SLC10A7: variants seen among roughly 807,000 people sequenced by gnomAD.
The protein encoded by SLC10A7 is sodium/bile acid cotransporter 7.
A neutral mutation model predicts 43.2 loss-of-function variants in SLC10A7; 29 were observed. The observed-to-expected ratio is 0.67, with a 90% CI of 0.50 to 0.92. SLC10A7 has a LOEUF of 0.92. SLC10A7 is among the 40% of genes least tolerant of loss of function. SLC10A7 has a pLI of 0.00. For synonymous variants in SLC10A7, 152 were observed against 144.8 expected, an observed-to-expected ratio of 1.05 and a Z score of -0.35; for missense variants, 295 against 403.2, an observed-to-expected ratio of 0.73 and a Z score of 2.30.
Position 146,256,350 on chromosome 4 carries a change from G to A in SLC10A7, c.*141C>T. The A allele has an allele frequency of 2.7e-6, 2 of 734,788 alleles. No homozygotes were observed. The highest frequency in any genetic ancestry group is 3.6e-5 in the South Asian group (2 of 55,500). The allele number at this position is 734,788 out of a possible 1,614,324, so 45.5% of individuals were successfully genotyped here. A position where few individuals can be genotyped will look rare whatever the true frequency, so the allele number is the denominator to read the frequency against. ...ACGCTCTTGTCAAATACATTTTAAGGCACTTAAACAGGATCTCATATTTTT... is the reference window on the plus strand; with the variant it reads ...ACGCTCTTGTCAAATACATTTTAAGACACTTAAACAGGATCTCATATTTTT... On this transcript the variant is annotated 3_prime_UTR_variant, in exon 12 of 12. Coordinates refer to ENST00000335472, the MANE Select transcript of SLC10A7 (RefSeq NM_001029998.6).
rs573006420 is a variant in SLC10A7 at position 146,505,811 on chromosome 4, A to C, written c.321-1887T>G. On this transcript the variant is annotated intron_variant, in intron 3 of 11. Transcript: ENST00000335472. ...TCATCATCACTAATACTGAGCATTT[A>C]CCATTTGTAGTAGACACTATTCTAA... Among the ~76,000 whole-genome samples, 3 of 152,324 alleles carry C rather than the reference A, an allele frequency of 2.0e-5. No individual in the cohort carries two copies. The South Asian group carries it at 6.2e-4, about 32-fold the overall frequency.
At chr4:146,435,755 C>T (rs892998834) in intron 5 of SLC10A7, among the ~76,000 whole-genome samples, 1 of 152,102 alleles carries the variant, frequency 6.6e-6, no homozygotes, top group Non-Finnish European at 1.5e-5. Context: ...CTGTAGTAGG[C>T]TGGATTCAAA....
intron 4 of SLC10A7, among the ~76,000 whole-genome samples, chr4:146,450,372 T>C (rs1731477109): frequency 6.6e-6 from 1 of 152,174 alleles, no homozygotes; most frequent in South Asian, 2.1e-4. Context: ...TTTATATATA[T>C]AAATGTCATT....
intron 4 of SLC10A7, among the ~76,000 whole-genome samples, chr4:146,449,450 A>G (rs1469798783): frequency 6.6e-6 from 1 of 152,258 alleles, no homozygotes. Flanking sequence ...GAACAAGAGG[A>G]GCAGGGGTTG....
intron 10 of SLC10A7, among the ~76,000 whole-genome samples, chr4:146,278,685 A>T (rs1353210528): frequency 6.6e-6 from 1 of 152,200 alleles, no homozygotes; most frequent in African/African-American, 2.4e-5. Context: ...TTGTTATTTC[A>T]TAGAGCAGAA....
chr4:146,333,197 T>A (rs138780138), intron 5 of SLC10A7, among the ~76,000 whole-genome samples: 9 of 152,278 alleles, frequency 5.9e-5, no homozygotes, highest in East Asian at 5.8e-4. Flanking sequence ...TGTGATTTTT[T>A]TCAGGCCAAA....
At chr4:146,356,484 T>C (rs1279022773) in intron 5 of SLC10A7, among the ~76,000 whole-genome samples, 1 of 152,068 alleles carries the variant, frequency 6.6e-6, no homozygotes, top group Non-Finnish European at 1.5e-5. Context: ...TATTGCATTC[T>C]ACTCTTTTAC....
rs1727809897 is a variant in SLC10A7, at chr4:146,254,774, T to G, written c.*1717A>C. The G allele has an allele frequency of 1.3e-5, 2 of 152,198 alleles. No homozygotes were observed. The highest frequency in any genetic ancestry group is 2.1e-4 in the South Asian group (1 of 4,830). 9.4% of individuals were successfully genotyped at this position (152,198 alleles called of 1,614,324 possible). Reference sequence around the variant, plus strand: ...CAAAGAAACTTGTAGGAACAAAACCTAAGAGCCTTCCTGTGCTCCATAGGT... The same window carrying G: ...CAAAGAAACTTGTAGGAACAAAACCGAAGAGCCTTCCTGTGCTCCATAGGT... On this transcript the variant is annotated 3_prime_UTR_variant, in exon 12 of 12. Coordinates refer to ENST00000335472, the MANE Select transcript of SLC10A7 (RefSeq NM_001029998.6).
intron 5 of SLC10A7, among the ~76,000 whole-genome samples, chr4:146,355,140 C>G (rs1472054816): frequency 5.4e-5 from 8 of 149,034 alleles, no homozygotes; most frequent in African/African-American, 1.7e-4. Context: ...ACCTACTCAT[C>G]TGACAAAGGG....
chr4:146,283,159 A>T (rs1459014436), intron 10 of SLC10A7, 33 bp downstream of exon 10: 4 of 1,503,772 alleles, frequency 2.7e-6, no homozygotes, highest in African/African-American at 1.4e-5. Flanking sequence ...ATATGAGGGT[A>T]ATAGGTGGTT....
intron 5 of SLC10A7, among the ~76,000 whole-genome samples, chr4:146,400,209 G>T (rs2149815386): frequency 6.6e-6 from 1 of 152,246 alleles, no homozygotes; most frequent in African/African-American, 2.4e-5. Flanking sequence ...GTAAGATGAG[G>T]ACAGAAAAAT....
Position 146,332,573 on chromosome 4 carries a change from CT to C in SLC10A7, c.436-6578del, listed in dbSNP as rs1187082903. 3.9e-5 allele frequency among the ~76,000 whole-genome samples: 6 copies of C among 152,122 alleles called. No homozygotes were observed. The East Asian group carries it at 1.2e-3, about 29-fold the overall frequency. The stretch of plus-strand genomic sequence containing the variant: ...CTCTTGCTTTCACCATGTGAAGTGC[CT>C]GCTCCTGCTTTGCCTTCCACCATGA... On this transcript the variant is annotated intron_variant, in intron 5 of 11. Coordinates refer to ENST00000335472, the MANE Select transcript of SLC10A7 (RefSeq NM_001029998.6).
chr4:146,277,338 G>T (rs1426198574), intron 10 of SLC10A7, among the ~76,000 whole-genome samples: 2 of 152,082 alleles, frequency 1.3e-5, no homozygotes, highest in Non-Finnish European at 2.9e-5. Flanking sequence ...TGATTGCAAA[G>T]TCTAGATATG....
intron 10 of SLC10A7, among the ~76,000 whole-genome samples, chr4:146,261,427 C>CA (rs1310588349): frequency 1.1e-4 from 13 of 120,828 alleles, no homozygotes; most frequent in African/African-American, 3.3e-4. Context: ...TTTGCCCCCC[C>CA]AGCTCCAGCT....
intron 4 of SLC10A7, among the ~76,000 whole-genome samples, chr4:146,484,415 C>G (rs1228425021): frequency 6.6e-6 from 1 of 152,104 alleles, no homozygotes; most frequent in Non-Finnish European, 1.5e-5. Flanking sequence ...ACACTGGACT[C>G]AAATTGCACT....
chr4:146,386,578 C>T (rs1738013424), intron 5 of SLC10A7, among the ~76,000 whole-genome samples: 1 of 152,164 alleles, frequency 6.6e-6, no homozygotes, highest in African/African-American at 2.4e-5. Context: ...TTAATGCCTA[C>T]TGCTATTCTG....
intron 7 of SLC10A7, among the ~76,000 whole-genome samples, chr4:146,301,274 G>A (rs1326109466): frequency 6.6e-6 from 1 of 152,142 alleles, no homozygotes; most frequent in Non-Finnish European, 1.5e-5. Context: ...CAATGAGTAG[G>A]AGTTTGCTGG....
intron 5 of SLC10A7, among the ~76,000 whole-genome samples, chr4:146,372,068 T>C (rs1736821927): frequency 1.3e-5 from 2 of 152,280 alleles, no homozygotes; most frequent in South Asian, 4.1e-4. Flanking sequence ...CAGAATCCCT[T>C]AGGGAATCTG....
chr4:146,449,194 G>A (rs1213006018), intron 4 of SLC10A7, among the ~76,000 whole-genome samples: 1 of 152,122 alleles, frequency 6.6e-6, no homozygotes, highest in Non-Finnish European at 1.5e-5. Flanking sequence ...GGGATAGGGA[G>A]GGTATATAAG....
Sources: allele counts gnomAD v4.1 joint callset (sites outside exome capture counted in the v4.1 genomes callset), GRCh38; gene constraint gnomAD v4.1.1; transcripts MANE v1.5; gene names NCBI Gene and HGNC (gene_info 2026-07-23, HGNC 2026-07-21).